Variants in ASIC2 observed in about 807,000 individuals in gnomAD.
ASIC2 encodes acid sensing ion channel subunit 2.
Under a neutral mutation model 57.3 loss-of-function variants are expected in ASIC2, and 25 were observed. The observed-to-expected ratio is 0.44, with a 90% confidence interval of 0.32 to 0.61. The LOEUF is 0.61. ASIC2 is among the 20% of genes least tolerant of loss of function. The pLI is 0.06. For synonymous variants in ASIC2, 319 were observed against 307.5 expected (o/e 1.04, Z -0.39); for missense variants, 641 against 738.1 (o/e 0.87, Z 1.52).
intron 1 of ASIC2, among the ~76,000 whole-genome samples, chr17:33,505,826 C>T (rs543986878): frequency 3.9e-5 from 6 of 152,308 alleles, no homozygotes; most frequent in East Asian, 1.9e-4. Context: ...GGAAGCCTTT[C>T]GGGAGCTCAA....
At chr17:33,931,728 T>G (rs549334743) in intron 1 of ASIC2, among the ~76,000 whole-genome samples, 2 of 152,212 alleles carry the variant, frequency 1.3e-5, no homozygotes, top group Non-Finnish European at 2.9e-5. Context: ...AGGTGCAGTC[T>G]GGGAAAAGGA....
chr17:33,131,843 T>A (rs1277899605), intron 1 of ASIC2: 1 of 152,126 alleles, frequency 6.6e-6, no homozygotes, highest in African/African-American at 2.4e-5. Context: ...TGGTGCGTTT[T>A]AGAACATAAG....
chr17:33,813,066 A>T (rs1912471973), intron 1 of ASIC2, among the ~76,000 whole-genome samples: 1 of 152,200 alleles, frequency 6.6e-6, no homozygotes, highest in Non-Finnish European at 1.5e-5. Flanking sequence ...GGGACCTGGC[A>T]GCTTGATGTG....
intron 1 of ASIC2, among the ~76,000 whole-genome samples, chr17:33,232,038 G>T (rs1398538430): frequency 2.0e-5 from 3 of 152,144 alleles, no homozygotes; most frequent in Non-Finnish European, 4.4e-5. Context: ...GGAACCTTGG[G>T]ATGAACTGAA....
At chr17:33,965,536 C>T (rs540784087) in intron 1 of ASIC2, among the ~76,000 whole-genome samples, 18 of 152,264 alleles carry the variant, frequency 1.2e-4, no homozygotes, top group African/African-American at 2.9e-4. Context: ...CAGGTTGTTC[C>T]GGCCTCCCAT....
chr17:33,336,895 A>T (rs1450236196), intron 1 of ASIC2, among the ~76,000 whole-genome samples: 1 of 152,144 alleles, frequency 6.6e-6, no homozygotes, highest in East Asian at 1.9e-4. Context: ...GTGGCAGAGG[A>T]CCCAGAGGCT....
intron 1 of ASIC2, among the ~76,000 whole-genome samples, chr17:33,350,564 C>T (rs1176048052): frequency 1.3e-5 from 2 of 151,998 alleles, no homozygotes; most frequent in East Asian, 3.9e-4. Context: ...CACCTGTAGT[C>T]CCAGCTACTC....
At chr17:33,118,592 G>T (rs534156382) in intron 1 of ASIC2, among the ~76,000 whole-genome samples, 2 of 152,098 alleles carry the variant, frequency 1.3e-5, no homozygotes, top group Non-Finnish European at 2.9e-5. Context: ...ACCTGGTAGT[G>T]GGGGAGGCAC....
chr17:34,099,723 AAGGAAAG>A (rs1354673245), intron 1 of ASIC2, among the ~76,000 whole-genome samples: 16 of 126,158 alleles, frequency 1.3e-4, no homozygotes, highest in African/African-American at 4.4e-4. Context: ...AGAAAGAAAG[AAGGAAAG>A]AAGGAAAGAA....
chr17:33,493,461 G>A (rs1913824480), intron 1 of ASIC2, among the ~76,000 whole-genome samples: 1 of 152,062 alleles, frequency 6.6e-6, no homozygotes, highest in African/African-American at 2.4e-5. Flanking sequence ...TTTGACCGTG[G>A]GTACTTTTTG....
chr17:33,839,865 G>C (rs1214642959), intron 1 of ASIC2, among the ~76,000 whole-genome samples: 1 of 152,182 alleles, frequency 6.6e-6, no homozygotes, highest in Non-Finnish European at 1.5e-5. Context: ...AGCCAGCCTT[G>C]TTGCTTTGTC....
chr17:33,970,512 G>A (rs937509773), intron 1 of ASIC2, among the ~76,000 whole-genome samples: 3 of 152,190 alleles, frequency 2.0e-5, no homozygotes, highest in African/African-American at 7.2e-5. Flanking sequence ...CAGCAGCCGT[G>A]GCATCACAGT....
intron 1 of ASIC2, among the ~76,000 whole-genome samples, chr17:33,919,360 C>T (rs1455629461): frequency 6.6e-6 from 1 of 152,178 alleles, no homozygotes. Context: ...AGAAATAAAG[C>T]CATGCATCTA....
At chr17:33,543,757 G>C (rs1915496578) in intron 1 of ASIC2, among the ~76,000 whole-genome samples, 2 of 152,300 alleles carry the variant, frequency 1.3e-5, no homozygotes, top group South Asian at 4.1e-4. Flanking sequence ...TGAGGAGCCT[G>C]GGAGGTCAGT....
intron 1 of ASIC2, among the ~76,000 whole-genome samples, chr17:33,226,954 C>A (rs1400331953): frequency 6.6e-6 from 1 of 151,524 alleles, no homozygotes; most frequent in Non-Finnish European, 1.5e-5. Context: ...AATCAATATA[C>A]AAAAATTACT....
At chr17:33,376,917 G>T (rs1909299485) in intron 1 of ASIC2, among the ~76,000 whole-genome samples, 1 of 152,178 alleles carries the variant, frequency 6.6e-6, no homozygotes, top group Non-Finnish European at 1.5e-5. Flanking sequence ...TCACCCCGGA[G>T]AGAGATTTGA....
At chr17:33,999,803 T>A (rs1318697569) in intron 1 of ASIC2, among the ~76,000 whole-genome samples, 1 of 152,178 alleles carries the variant, frequency 6.6e-6, no homozygotes, top group Non-Finnish European at 1.5e-5. Context: ...TACACCACCA[T>A]TACAGTATTA....
chr17:33,339,246 C>A (rs897703065), intron 1 of ASIC2, among the ~76,000 whole-genome samples: 2 of 152,150 alleles, frequency 1.3e-5, no homozygotes, highest in African/African-American at 2.4e-5. Context: ...AGGCAAAGCC[C>A]TGCAAGATCT....
At chr17:33,460,260 A>C (rs78728109) in intron 1 of ASIC2, among the ~76,000 whole-genome samples, 8,376 of 152,300 alleles carry the variant, frequency 0.055, 315 homozygotes, top group Middle Eastern at 0.092. Flanking sequence ...GTTTCCAGGC[A>C]TGTGACACAA....
Sources: gnomAD v4.1 joint callset for allele counts (sites outside exome capture counted in the v4.1 genomes callset) on GRCh38, gnomAD v4.1.1 for gene constraint, MANE v1.5 for transcripts, NCBI Gene and HGNC (gene_info 2026-07-23, HGNC 2026-07-21) for gene names.